The following GRIK4 variants were observed in gnomAD, a reference collection of about 807,000 sequenced individuals.
GRIK4 encodes the protein glutamate receptor ionotropic, kainate 4.
Under a neutral mutation model 104.9 loss-of-function variants are expected in GRIK4, and 40 were observed. The observed-to-expected ratio is 0.38, with a 90% CI of 0.30 to 0.50. The LOEUF (loss-of-function observed/expected upper bound fraction) is 0.50, where lower values mean the gene tolerates loss of function less well. Among genes scored for constraint, GRIK4 ranks in the 20% least tolerant of loss-of-function variants. GRIK4 has a pLI of 0.93. For synonymous variants in GRIK4, 485 were observed against 524.9 expected (o/e 0.92, Z 1.04); for missense variants, 1,047 against 1,308.1 (o/e 0.80, Z 3.08).
At chr11:120,921,869 T>A (rs1238185800) in intron 13 of GRIK4, among the ~76,000 whole-genome samples, 2 of 152,204 alleles carry the variant, frequency 1.3e-5, no homozygotes, top group Non-Finnish European at 2.9e-5. Flanking sequence ...TGGGTATCGG[T>A]GCAGCCCCTA....
chr11:120,644,971 C>T (rs1325488285), intron 1 of GRIK4, among the ~76,000 whole-genome samples: 2 of 152,156 alleles, frequency 1.3e-5, no homozygotes, highest in Non-Finnish European at 2.9e-5. Flanking sequence ...ACGCTTCCTT[C>T]TTAGGTGCCT....
At chr11:120,900,020 T>A (rs978975179) in intron 12 of GRIK4, among the ~76,000 whole-genome samples, 2 of 152,182 alleles carry the variant, frequency 1.3e-5, no homozygotes, top group African/African-American at 4.8e-5. Context: ...AAATGATTGA[T>A]CTACTATAAA....
At chr11:120,804,335 G>T (rs1952675033) in intron 4 of GRIK4, among the ~76,000 whole-genome samples, 1 of 152,178 alleles carries the variant, frequency 6.6e-6, no homozygotes, top group Admixed American at 6.5e-5. Flanking sequence ...GGCTGTTAGG[G>T]TTTCAAGAAA....
At chr11:120,582,290 G>A (rs4938818) in intron 1 of GRIK4, among the ~76,000 whole-genome samples, 66,562 of 149,592 alleles carry the variant, frequency 0.44, 16,461 homozygotes, top group African/African-American at 0.64. Context: ...TACATTATAC[G>A]TATGTATATA....
intron 13 of GRIK4, among the ~76,000 whole-genome samples, chr11:120,918,729 G>A (rs1943164964): frequency 1.3e-5 from 2 of 152,150 alleles, no homozygotes; most frequent in South Asian, 4.1e-4. Context: ...AGTTTGAGAC[G>A]TTAGCATGTG....
chr11:120,586,643 G>A (rs1948668450), intron 1 of GRIK4, among the ~76,000 whole-genome samples: 1 of 152,114 alleles, frequency 6.6e-6, no homozygotes, highest in African/African-American at 2.4e-5. Flanking sequence ...CTTGGGATGG[G>A]AAGTGAGAGG....
chr11:120,715,399 C>CA (rs368016052), intron 3 of GRIK4, among the ~76,000 whole-genome samples: 62 of 152,036 alleles, frequency 4.1e-4, no homozygotes, highest in African/African-American at 1.2e-3. Flanking sequence ...CTCATAAAAA[C>CA]AAAAAAACAA....
intron 8 of GRIK4, among the ~76,000 whole-genome samples, chr11:120,846,493 A>G (rs1953855109): frequency 6.6e-6 from 1 of 152,202 alleles, no homozygotes; most frequent in Non-Finnish European, 1.5e-5. Flanking sequence ...CATGGGTTAG[A>G]GATGGCAATT....
At chr11:120,690,339 T>G (rs891500653) in intron 3 of GRIK4, among the ~76,000 whole-genome samples, 2 of 152,184 alleles carry the variant, frequency 1.3e-5, no homozygotes, top group African/African-American at 4.8e-5. Context: ...AATGATCTTT[T>G]GTGTGGGCTT....
intron 3 of GRIK4, among the ~76,000 whole-genome samples, chr11:120,787,145 C>T: frequency 1.2e-5 from 1 of 85,778 alleles, no homozygotes; most frequent in South Asian, 2.9e-4. Context: ...TAGTAGGACT[C>T]TTTTTTTTTT....
At chr11:120,740,198 G>A (rs1330123451) in intron 3 of GRIK4, among the ~76,000 whole-genome samples, 1 of 152,188 alleles carries the variant, frequency 6.6e-6, no homozygotes, top group Non-Finnish European at 1.5e-5. Flanking sequence ...TAAAATGCCT[G>A]AGCCTGGCTG....
chr11:120,606,263 C>T (rs1156683486), intron 1 of GRIK4, among the ~76,000 whole-genome samples: 1 of 152,198 alleles, frequency 6.6e-6, no homozygotes, highest in African/African-American at 2.4e-5. Context: ...ATTAAATCCC[C>T]TCCCCACGCC....
At chr11:120,687,166 G>T (rs922032499) in intron 3 of GRIK4, among the ~76,000 whole-genome samples, 12 of 152,218 alleles carry the variant, frequency 7.9e-5, no homozygotes, top group African/African-American at 2.9e-4. Context: ...TAGAGTAGAT[G>T]ACATTATCCC....
chr11:120,928,544 C>A (rs1407222477), intron 13 of GRIK4, among the ~76,000 whole-genome samples: 1 of 152,082 alleles, frequency 6.6e-6, no homozygotes, highest in African/African-American at 2.4e-5. Flanking sequence ...TGAATAGAAG[C>A]CTGTAACAAG....
At chr11:120,554,367 G>T (rs1385464072) in intron 1 of GRIK4, among the ~76,000 whole-genome samples, 1 of 152,146 alleles carries the variant, frequency 6.6e-6, no homozygotes, top group Non-Finnish European at 1.5e-5. Flanking sequence ...TGCAGGTGGG[G>T]TCAGGCCTCA....
At chr11:120,978,752 T>G (rs1392213349) in intron 19 of GRIK4, among the ~76,000 whole-genome samples, 1 of 152,056 alleles carries the variant, frequency 6.6e-6, no homozygotes, top group African/African-American at 2.4e-5. Flanking sequence ...AGCCAAGACA[T>G]GGAGGAGAGG....
intron 8 of GRIK4, among the ~76,000 whole-genome samples, chr11:120,844,159 G>A (rs1356907096): frequency 1.3e-5 from 2 of 152,082 alleles, no homozygotes; most frequent in Admixed American, 6.5e-5. Flanking sequence ...GACAGAGAGG[G>A]AAAAAATAAT....
chr11:120,667,923 C>T (rs749176653), intron 3 of GRIK4, among the ~76,000 whole-genome samples: 26 of 152,194 alleles, frequency 1.7e-4, no homozygotes, highest in Non-Finnish European at 3.7e-4. Flanking sequence ...CTCTATCTAT[C>T]TGAGTATGAC....
chr11:120,626,583 C>T (rs1949262303), intron 1 of GRIK4, among the ~76,000 whole-genome samples: 1 of 152,124 alleles, frequency 6.6e-6, no homozygotes, highest in African/African-American at 2.4e-5. Context: ...ACACTGCTTC[C>T]AGGGTGCACT....
Sources: gnomAD v4.1 joint callset for allele counts (sites outside exome capture counted in the v4.1 genomes callset) on GRCh38, gnomAD v4.1.1 for gene constraint, MANE v1.5 for transcripts, NCBI Gene and HGNC (gene_info 2026-07-23, HGNC 2026-07-21) for gene names.